The following SETD4 variants were observed in gnomAD, a reference collection of about 807,000 sequenced individuals.
SETD4 encodes the protein SET domain containing 4, also known as SET domain-containing protein 4.
SETD4 carries 46 observed loss-of-function variants against 58.3 expected under a neutral mutation model. That is an observed-to-expected ratio of 0.79 (90% CI 0.62 to 1.01). SETD4 has a LOEUF of 1.01. SETD4 is among the 50% of genes least tolerant of loss of function. The pLI is 0.00. For missense variants in SETD4, 490 were observed against 523.3 expected (o/e 0.94, Z 0.62); for synonymous variants, 190 against 202.6 (o/e 0.94, Z 0.53).
In SETD4 at chr21:36,060,461, G is replaced by C. The variant is rs1483137681; in HGVS notation, c.-151C>G. The C allele has an allele frequency of 6.6e-6, 1 of 152,510 alleles. No individual in the cohort carries two copies. Among genetic ancestry groups the C allele is most frequent in the African/African-American group, 2.4e-5 (1 of 41,472 alleles). 9.4% of individuals were successfully genotyped at this position (152,510 alleles called of 1,614,324 possible). A position where few individuals can be genotyped will look rare whatever the true frequency, so the allele number is the denominator to read the frequency against. On this transcript the variant is annotated 5_prime_UTR_variant, in exon 1 of 12. Coordinates refer to ENST00000332131, the MANE Select transcript of SETD4 (RefSeq NM_017438.5). The stretch of plus-strand genomic sequence containing the variant: ...GTTAAAGGAACCGGCCAAAACTGCA[G>C]AGGGAGAGGCTGAAGGCTGTCGCGC...
intron 5 of SETD4, 121 bp from the exon 6 acceptor site, chr21:36,046,132 A>C: frequency 9.5e-7 from 1 of 1,056,328 alleles, no homozygotes; most frequent in Non-Finnish European, 1.3e-6. Flanking sequence ...CAGTTTACTT[A>C]ACAGACTCAA....
intron 9 of SETD4, 63 bp downstream of exon 9, chr21:36,040,512 C>G: frequency 6.9e-7 from 1 of 1,441,344 alleles, no homozygotes; most frequent in Non-Finnish European, 9.7e-7. Context: ...ACAAACAAAC[C>G]AACCCTCCAA....
rs140172094 is a variant in SETD4, at chr21:36,044,875, C to T, written c.726+707G>A. Among the ~76,000 whole-genome samples the T allele has an allele frequency of 1.8e-3, 270 of 152,356 alleles. 1 individual carries two copies. The highest frequency in any genetic ancestry group is 6.2e-3 in the African/African-American group (257 of 41,596). The stretch of plus-strand genomic sequence containing the variant: ...GGTTACAGGTGAGCCAACTGATGGA[C>T]TCTCTTCCGCTCTCCAAGCCAGGCC... On this transcript the variant is annotated intron_variant, in intron 6 of 11. Coordinates refer to ENST00000332131, the MANE Select transcript of SETD4 (RefSeq NM_017438.5).
At chr21:36,045,488 C>G (rs1057135296) in intron 6 of SETD4, 94 bp downstream of exon 6, 1 of 1,468,336 alleles carries the variant, frequency 6.8e-7, no homozygotes, top group Admixed American at 2.0e-5. Context: ...CGACACCTCT[C>G]CCTGTGGTGC....
At chr21:36,044,050 C>A (rs2064188488) in intron 6 of SETD4, 94 bp from the exon 7 acceptor site, 8 of 1,410,476 alleles carry the variant, frequency 5.7e-6, no homozygotes, top group Non-Finnish European at 5.8e-6. Flanking sequence ...GAGTCAGGTG[C>A]AGCTTTCAAA....
At chr21:36,049,409 G>C (rs1340494751) in intron 4 of SETD4, among the ~76,000 whole-genome samples, 2 of 152,130 alleles carry the variant, frequency 1.3e-5, no homozygotes, top group African/African-American at 4.8e-5. Context: ...ACAAAAATTA[G>C]CTGGCCATGG....
chr21:36,050,309 G>A (rs2064591294), intron 4 of SETD4: 16 of 1,611,932 alleles, frequency 9.9e-6, no homozygotes, highest in Non-Finnish European at 1.4e-5. Context: ...GAGCATTAAA[G>A]GCCAAATGTT....
chr21:36,053,534 A>C (rs2123736032), intron 4 of SETD4, 49 bp downstream of exon 4: 1 of 1,606,266 alleles, frequency 6.2e-7, no homozygotes, highest in East Asian at 2.2e-5. Context: ...CGCAAAAACA[A>C]AGCAGCAAAA....
chr21:36,059,056 T>C (rs1287005608), intron 1 of SETD4, 132 bp from the exon 2 acceptor site: 1 of 1,111,170 alleles, frequency 9.0e-7, no homozygotes, highest in African/African-American at 1.6e-5. Context: ...TACAAATGTA[T>C]GTTTTGGTAA....
chr21:36,052,721 C>T (rs1174589864), intron 4 of SETD4, among the ~76,000 whole-genome samples: 2 of 152,064 alleles, frequency 1.3e-5, no homozygotes, highest in Admixed American at 6.6e-5. Flanking sequence ...CACAGAAAAT[C>T]GTGCGCTAGA....
At chr21:36,057,021 C>G in intron 3 of SETD4, 88 bp downstream of exon 3, 1 of 1,017,698 alleles carries the variant, frequency 9.8e-7, no homozygotes, top group South Asian at 1.3e-5. Context: ...AGGACAATAT[C>G]TGCTGAGGCC....
At chr21:36,044,797 C>T (rs910699117) in intron 6 of SETD4, among the ~76,000 whole-genome samples, 2 of 152,162 alleles carry the variant, frequency 1.3e-5, no homozygotes, top group Non-Finnish European at 2.9e-5. Context: ...CAGATGAAGG[C>T]GACGGCCAGG....
intron 4 of SETD4, chr21:36,051,085 C>A: frequency 7.0e-7 from 1 of 1,424,484 alleles, no homozygotes; most frequent in Non-Finnish European, 9.9e-7. Flanking sequence ...TTTCATAAGG[C>A]TTGTAATCTA....
rs370447588 is a variant in SETD4 at position 36,042,780 on chromosome 21, T to A, written c.902-892A>T. The A allele has an allele frequency of 2.6e-5, 4 of 152,330 alleles. No individual in the cohort carries two copies. The East Asian group carries it at 7.7e-4, about 29-fold the overall frequency. 9.4% of individuals were successfully genotyped at this position (152,330 alleles called of 1,614,324 possible). A position where few individuals can be genotyped will look rare whatever the true frequency, so the allele number is the denominator to read the frequency against. ...CACTATATTTGGAATTTTCACATCTTAAGTGTAATGGCTAACTTACTATTT... is the reference window on the plus strand; with the variant it reads ...CACTATATTTGGAATTTTCACATCTAAAGTGTAATGGCTAACTTACTATTT... On this transcript the variant is annotated intron_variant, in intron 7 of 11. Coordinates refer to ENST00000332131, the MANE Select transcript of SETD4 (RefSeq NM_017438.5).
At chr21:36,043,580 A>AT in intron 7 of SETD4, 3 of 1,396,676 alleles carry the variant, frequency 2.1e-6, no homozygotes, top group Non-Finnish European at 2.8e-6. Context: ...ACTTCTCAAA[A>AT]TATCAGTCAA....
At position 36,043,965 on chromosome 21, in the gene SETD4, A is replaced by G. The variant is rs1405717584; in HGVS notation, c.727-9T>C. ...TTAAACGCTGCTTTTACCTAGAAAG[A>G]AAAACTGTTAAGGTATTTTTTAAAG... On this transcript the variant is annotated splice_polypyrimidine_tract_variant and intron_variant, in intron 6 of 11. Transcript: ENST00000332131. The G allele has an allele frequency of 6.2e-7, 1 of 1,613,146 alleles. No individual in the cohort carries two copies. Among genetic ancestry groups the G allele is most frequent in the Admixed American group, 1.7e-5 (1 of 59,912 alleles).
In SETD4 at chr21:36,060,517, TCAG is replaced by T. The variant is rs1346875300; in HGVS notation, c.-210_-208del. The T allele has an allele frequency of 1.3e-5, 2 of 152,526 alleles. No individual in the cohort carries two copies. The highest frequency in any genetic ancestry group is 4.8e-5 in the African/African-American group (2 of 41,472). 9.4% of individuals were successfully genotyped at this position (152,526 alleles called of 1,614,324 possible). A position where few individuals can be genotyped will look rare whatever the true frequency, so the allele number is the denominator to read the frequency against. On this transcript the variant is annotated 5_prime_UTR_variant, in exon 1 of 12. Transcript: ENST00000332131. ...TGGTGTCCTTAAGCAATCCAAGTCCTCAGTCTCCCGGGTCCGCCCCTTCCGCCG... is the reference window on the plus strand; with the variant it reads ...TGGTGTCCTTAAGCAATCCAAGTCCTTCTCCCGGGTCCGCCCCTTCCGCCG...
At chr21:36,059,714 A>G (rs551415100) in intron 1 of SETD4, 1,244 of 971,470 alleles carry the variant, frequency 1.3e-3, no homozygotes, top group Non-Finnish European at 1.4e-3. Flanking sequence ...AAATAAAAAT[A>G]AAAAATAAAT....
At chr21:36,057,298 A>G (rs1002347813) in intron 2 of SETD4, 94 bp from the exon 3 acceptor site, 1 of 925,680 alleles carries the variant, frequency 1.1e-6, no homozygotes. Flanking sequence ...TGTGTCAGAC[A>G]GACTTACACA....
Sources: allele counts gnomAD v4.1 joint callset (sites outside exome capture counted in the v4.1 genomes callset), GRCh38; gene constraint gnomAD v4.1.1; transcripts MANE v1.5; gene names NCBI Gene and HGNC (gene_info 2026-07-23, HGNC 2026-07-21).